Variants in IL6R observed in about 807,000 individuals in gnomAD.
IL6R encodes the protein interleukin-6 receptor subunit alpha.
IL6R carries 38 observed loss-of-function variants against 48.3 expected under a neutral mutation model. The observed-to-expected ratio is 0.79, with a 90% CI of 0.61 to 1.03. The LOEUF (loss-of-function observed/expected upper bound fraction) is 1.03, where lower values mean the gene tolerates loss of function less well. IL6R is among the 50% of genes least tolerant of loss of function. The pLI is 0.00. For synonymous variants in IL6R, 264 were observed against 256.2 expected, an observed-to-expected ratio of 1.03 and a Z score of -0.29; for missense variants, 534 against 618.3, an observed-to-expected ratio of 0.86 and a Z score of 1.45.
In IL6R at chr1:154,445,068, C is replaced by T. The variant is rs1007497837; in HGVS notation, c.950-3057C>T. 5.4e-4 allele frequency: 248 copies of T among 456,224 alleles called. 1 individual carries two copies. Among genetic ancestry groups the T allele is most frequent in the Non-Finnish European group, 1.0e-4 (23 of 226,966 alleles). The allele number at this position is 456,224 out of a possible 1,614,324, so 28.3% of individuals were successfully genotyped here. A position where few individuals can be genotyped will look rare whatever the true frequency, so the allele number is the denominator to read the frequency against. On this transcript the variant is annotated intron_variant, in intron 6 of 9. Coordinates refer to ENST00000368485, the MANE Select transcript of IL6R (RefSeq NM_000565.4). ...CTAGGCTTCTCTCCACAGACCATCC[C>T]GGGTGGCATTTGGGACCCAGCTGGA...
chr1:154,405,571 C>G lies in IL6R; in HGVS notation c.-59C>G. ...CCCCGCCCCTGCCACCCCTGCCGCC[C>G]GGTTCCCATTAGCCTGTCCGCCTCT... On this transcript the variant is annotated 5_prime_UTR_variant, in exon 1 of 10. Transcript: ENST00000368485. The surrounding 1 kb of genome is among the most constrained non-coding windows in gnomAD (Gnocchi z 5.2). The G allele has an allele frequency of 7.7e-7, 1 of 1,296,696 alleles. No individual in the cohort carries two copies. The highest frequency in any genetic ancestry group is 1.0e-6 in the Non-Finnish European group (1 of 953,384). The allele number at this position is 1,296,696 out of a possible 1,614,324, so 80.3% of individuals were successfully genotyped here. A position where few individuals can be genotyped will look rare whatever the true frequency, so the allele number is the denominator to read the frequency against.
rs538533109 is a variant in IL6R, at chr1:154,429,209, C to A, written c.99C>A (p.Gly33=). The part of the protein sequence containing the change: ...RRCPAQEVAR[G]VLTSLPGDSV... Reference sequence around the variant, plus strand: ...TCCCTCCTCCAGAGGTGGCGAGAGGCGTGCTGACCAGTCTGCCAGGAGACA... The same window carrying A: ...TCCCTCCTCCAGAGGTGGCGAGAGGAGTGCTGACCAGTCTGCCAGGAGACA... Residue 33 remains glycine, a synonymous_variant, in exon 2 of 10, where the codon GGC becomes GGA. Transcript: ENST00000368485. 2.5e-6 allele frequency: 4 copies of A among 1,611,480 alleles called. No homozygotes were observed. Among genetic ancestry groups the A allele is most frequent in the Admixed American group, 1.7e-5 (1 of 59,948 alleles).
At chr1:154,414,657 G>T in intron 1 of IL6R, 1 of 849,840 alleles carries the variant, frequency 1.2e-6, no homozygotes, top group Non-Finnish European at 2.0e-6. Flanking sequence ...TGTAGCTCTT[G>T]GCGAGGATGT....
intron 8 of IL6R, among the ~76,000 whole-genome samples, chr1:154,453,406 G>A (rs1338623510): frequency 6.6e-6 from 1 of 152,214 alleles, no homozygotes; most frequent in Non-Finnish European, 1.5e-5. Context: ...AGTGATGGCT[G>A]GCAGGCAGCC....
rs1691528493 is a variant in IL6R at position 154,465,818 on chromosome 1, C to G, written c.*438C>G. The G allele has an allele frequency of 1.2e-5, 2 of 167,320 alleles. No individual in the cohort carries two copies. Among genetic ancestry groups the G allele is most frequent in the Non-Finnish European group, 2.6e-5 (2 of 76,898 alleles). 10.4% of individuals were successfully genotyped at this position (167,320 alleles called of 1,614,324 possible). ...TCCTCCAGCCGCCATGCTCCTGGCC[C>G]ACTGCATCGTTTCATCTTCCAACTC... On this transcript the variant is annotated 3_prime_UTR_variant, in exon 10 of 10. Coordinates refer to ENST00000368485, the MANE Select transcript of IL6R (RefSeq NM_000565.4).
chr1:154,444,258 G>A (rs1690090686), intron 6 of IL6R, among the ~76,000 whole-genome samples: 1 of 149,610 alleles, frequency 6.7e-6, no homozygotes, highest in Admixed American at 6.7e-5. Context: ...GCCTAGGCTG[G>A]AGTGCAATGG....
chr1:154,434,824 C>A, intron 4 of IL6R, 124 bp downstream of exon 4: 1 of 1,192,216 alleles, frequency 8.4e-7, no homozygotes, highest in Non-Finnish European at 1.2e-6. Context: ...GCCTTTTGGG[C>A]GTTGCTTGCC....
At chr1:154,411,465 G>A (rs1688015645) in intron 1 of IL6R, among the ~76,000 whole-genome samples, 3 of 152,178 alleles carry the variant, frequency 2.0e-5, no homozygotes, top group Admixed American at 1.3e-4. Flanking sequence ...GTCGTGTGCT[G>A]GCAGATATTA....
chr1:154,419,533 T>G (rs1361698279), intron 1 of IL6R, among the ~76,000 whole-genome samples: 4 of 152,234 alleles, frequency 2.6e-5, no homozygotes, highest in Non-Finnish European at 5.9e-5. Flanking sequence ...TCCTATGCCT[T>G]TGCAACCCAA....
At chr1:154,457,322 C>CAAAAAAAAAAAAAAAAAAAAAAAAA (rs60033332) in intron 9 of IL6R, among the ~76,000 whole-genome samples, 1 of 78,128 alleles carries the variant, frequency 1.3e-5, no homozygotes, top group Non-Finnish European at 2.5e-5. Flanking sequence ...GACTCCGTCT[C>CAAAAAAAAAAAAAAAAAAAAAAAAA]AAAAAAAAAA....
At chr1:154,435,387 T>C (rs915196360) in intron 5 of IL6R, among the ~76,000 whole-genome samples, 4 of 152,094 alleles carry the variant, frequency 2.6e-5, no homozygotes, top group African/African-American at 9.7e-5. Flanking sequence ...GGCGCACGCC[T>C]GTATCCCAGC....
chr1:154,448,200 G>A, intron 7 of IL6R, 29 bp downstream of exon 7: 2 of 1,599,994 alleles, frequency 1.3e-6, no homozygotes, highest in Non-Finnish European at 1.7e-6. Flanking sequence ...AAAAGGGTCA[G>A]GGCTGCAGCA....
At chr1:154,451,005 A>G (rs755303876) in intron 8 of IL6R, among the ~76,000 whole-genome samples, 3 of 152,240 alleles carry the variant, frequency 2.0e-5, no homozygotes, top group Non-Finnish European at 4.4e-5. Context: ...CCTGTTCTCA[A>G]GGAGGCTACA....
At chr1:154,416,345 A>G (rs375323013) in intron 1 of IL6R, among the ~76,000 whole-genome samples, 104 of 145,570 alleles carry the variant, frequency 7.1e-4, no homozygotes, top group African/African-American at 2.4e-3. Flanking sequence ...GAGTTTTGCT[A>G]TGTTGCCTAG....
chr1:154,448,502 T>C (rs1690399548), intron 7 of IL6R, among the ~76,000 whole-genome samples: 1 of 152,246 alleles, frequency 6.6e-6, no homozygotes, highest in Non-Finnish European at 1.5e-5. Flanking sequence ...CTGTGGACTC[T>C]TGGTGACATA....
chr1:154,414,284 A>G (rs1371992241), intron 1 of IL6R: 1 of 611,454 alleles, frequency 1.6e-6, no homozygotes, highest in Admixed American at 3.2e-5. Context: ...GAGAATGTCA[A>G]TCCACCTTTA....
At chr1:154,448,288 C>T (rs959513266) in intron 7 of IL6R, 117 bp downstream of exon 7, 12 of 774,978 alleles carry the variant, frequency 1.5e-5, no homozygotes, top group Non-Finnish European at 2.1e-5. Context: ...GAAATGTGGT[C>T]GTGGTGAGTT....
At chr1:154,430,447 G>A (rs755556177) in intron 2 of IL6R, 36 bp from the exon 3 acceptor site, 38 of 1,608,138 alleles carry the variant, frequency 2.4e-5, no homozygotes, top group South Asian at 4.4e-5. Flanking sequence ...CAGGATCCCC[G>A]CCCGCCTGCT....
At chr1:154,412,901 A>T (rs925966975) in intron 1 of IL6R, among the ~76,000 whole-genome samples, 1 of 149,658 alleles carries the variant, frequency 6.7e-6, no homozygotes, top group Non-Finnish European at 1.5e-5. Flanking sequence ...TGACCTGTAG[A>T]CCCCTGCTCC....
Sources: gnomAD v4.1 joint callset for allele counts (sites outside exome capture counted in the v4.1 genomes callset) on GRCh38, gnomAD v4.1.1 for gene constraint, Gnocchi (gnomAD v3.1) non-coding constraint, MANE v1.5 for transcripts, NCBI Gene and HGNC (gene_info 2026-07-23, HGNC 2026-07-21) for gene names.